Variants in TRAPPC9 observed in about 807,000 individuals in gnomAD.
TRAPPC9 encodes the protein IKK2 binding protein.
In TRAPPC9, 83 loss-of-function variants were observed where a neutral mutation model predicts 124.0. The ratio of observed to expected loss-of-function variants is 0.67; its 90% CI spans 0.56 to 0.80. The LOEUF (loss-of-function observed/expected upper bound fraction) is 0.80, where lower values mean the gene tolerates loss of function less well. Among genes scored for constraint, TRAPPC9 ranks in the 30% least tolerant of loss-of-function variants. The pLI is 0.00. For synonymous variants in TRAPPC9, 638 were observed against 617.5 expected, an observed-to-expected ratio of 1.03 and a Z score of -0.49; for missense variants, 1,302 against 1,508.3, an observed-to-expected ratio of 0.86 and a Z score of 2.27.
chr8:140,369,217 G>C (rs2068209358), intron 8 of TRAPPC9, among the ~76,000 whole-genome samples: 1 of 152,186 alleles, frequency 6.6e-6, no homozygotes, highest in African/African-American at 2.4e-5. Flanking sequence ...TGGTTGAACA[G>C]TAAGAAGTCT....
chr8:140,304,602 C>A (rs2066072521), intron 10 of TRAPPC9, among the ~76,000 whole-genome samples: 1 of 152,276 alleles, frequency 6.6e-6, no homozygotes, highest in East Asian at 1.9e-4. Context: ...GTGATGTGGA[C>A]ATTTAACTAC....
At chr8:139,797,238 T>A (rs923120776) in intron 21 of TRAPPC9, among the ~76,000 whole-genome samples, 1 of 146,920 alleles carries the variant, frequency 6.8e-6, no homozygotes, top group East Asian at 1.9e-4. Flanking sequence ...GAAACACACA[T>A]GTTTTTAATT....
chr8:140,425,061 G>A (rs2070373660), intron 5 of TRAPPC9, among the ~76,000 whole-genome samples: 4 of 152,192 alleles, frequency 2.6e-5, no homozygotes, highest in African/African-American at 4.8e-5. Flanking sequence ...TAGGAGCTAG[G>A]AAGATTCCCT....
chr8:140,425,637 A>G (rs550480401), intron 5 of TRAPPC9, among the ~76,000 whole-genome samples: 20 of 152,088 alleles, frequency 1.3e-4, no homozygotes, highest in African/African-American at 4.4e-4. Flanking sequence ...TCAGTATTTT[A>G]TAGCAGGCAT....
chr8:139,755,965 T>G (rs1256392765), intron 21 of TRAPPC9, among the ~76,000 whole-genome samples: 2 of 116,440 alleles, frequency 1.7e-5, no homozygotes, highest in African/African-American at 7.7e-5. Context: ...AGCCAGGGTT[T>G]GGGGATGAGG....
intron 2 of TRAPPC9, among the ~76,000 whole-genome samples, chr8:140,443,202 A>G (rs7000128): frequency 0.65 from 91,989 of 142,058 alleles, 31,662 homozygotes; most frequent in Non-Finnish European, 0.78. Flanking sequence ...TTGGGAGGCC[A>G]AGGCGGGCAG....
chr8:139,735,022 C>G (rs1228149302), intron 21 of TRAPPC9, among the ~76,000 whole-genome samples: 3 of 152,222 alleles, frequency 2.0e-5, no homozygotes, highest in Non-Finnish European at 4.4e-5. Context: ...GTCCTGAGGC[C>G]CTGCTCACTG....
intron 17 of TRAPPC9, among the ~76,000 whole-genome samples, chr8:140,164,107 C>G (rs1398512054): frequency 6.6e-6 from 1 of 152,152 alleles, no homozygotes; most frequent in Non-Finnish European, 1.5e-5. Flanking sequence ...GCAAACACAG[C>G]GACCACCCCC....
chr8:140,280,337 A>G (rs1212999768), intron 14 of TRAPPC9, among the ~76,000 whole-genome samples: 1 of 152,254 alleles, frequency 6.6e-6, no homozygotes, highest in East Asian at 1.9e-4. Flanking sequence ...CAGCATGTGC[A>G]GGTATAAAAT....
intron 21 of TRAPPC9, among the ~76,000 whole-genome samples, chr8:139,836,739 C>T (rs4991944): frequency 0.57 from 86,858 of 152,138 alleles, 28,015 homozygotes; most frequent in African/African-American, 0.87. Context: ...TGCAATTAGT[C>T]ATGGGAAGAA....
intron 10 of TRAPPC9, among the ~76,000 whole-genome samples, chr8:140,303,523 C>T (rs2066041027): frequency 6.6e-6 from 1 of 152,232 alleles, no homozygotes; most frequent in South Asian, 2.1e-4. Flanking sequence ...TCAGAACCAT[C>T]CTCTGCTTTA....
chr8:140,268,813 C>T (rs967392841), intron 15 of TRAPPC9, among the ~76,000 whole-genome samples: 1 of 152,170 alleles, frequency 6.6e-6, no homozygotes, highest in Non-Finnish European at 1.5e-5. Context: ...GGTGACTACA[C>T]TTGAGGGCTG....
chr8:139,764,561 G>A (rs944057981), intron 21 of TRAPPC9, among the ~76,000 whole-genome samples: 1 of 152,118 alleles, frequency 6.6e-6, no homozygotes, highest in Admixed American at 6.5e-5. Flanking sequence ...AGTGAGACAC[G>A]GGTTCAGCTG....
At chr8:140,419,156 C>T (rs1427916632) in intron 5 of TRAPPC9, among the ~76,000 whole-genome samples, 2 of 151,896 alleles carry the variant, frequency 1.3e-5, no homozygotes, top group East Asian at 1.9e-4. Context: ...TGGCCGGGCG[C>T]GGTGACTCGC....
chr8:140,308,177 C>T (rs149902432), intron 10 of TRAPPC9, among the ~76,000 whole-genome samples: 52 of 152,040 alleles, frequency 3.4e-4, no homozygotes, highest in African/African-American at 1.2e-3. Context: ...ATTTGGCCCA[C>T]TCTAAGTATT....
chr8:140,185,122 C>G (rs960323275), intron 17 of TRAPPC9, among the ~76,000 whole-genome samples: 7 of 152,198 alleles, frequency 4.6e-5, no homozygotes, highest in African/African-American at 1.7e-4. Flanking sequence ...TAGAATTGAT[C>G]ATTTTTCATA....
chr8:140,058,051 C>T (rs1387725546), intron 17 of TRAPPC9, among the ~76,000 whole-genome samples: 1 of 152,162 alleles, frequency 6.6e-6, no homozygotes, highest in African/African-American at 2.4e-5. Context: ...CAGAAGTGCT[C>T]GCGAATGTGA....
chr8:139,998,847 C>T (rs1838212425), intron 18 of TRAPPC9, among the ~76,000 whole-genome samples: 1 of 152,014 alleles, frequency 6.6e-6, no homozygotes. Flanking sequence ...ACAACTAAGA[C>T]ATGAGGAGGG....
chr8:139,756,946 T>A (rs1819862848), intron 21 of TRAPPC9, among the ~76,000 whole-genome samples: 1 of 122,812 alleles, frequency 8.1e-6, no homozygotes, highest in Non-Finnish European at 1.7e-5. Flanking sequence ...GGTTGGGGTA[T>A]AAGGACAGCA....
Sources: gnomAD v4.1 joint callset for allele counts (sites outside exome capture counted in the v4.1 genomes callset) on GRCh38, gnomAD v4.1.1 for gene constraint, MANE v1.5 for transcripts, NCBI Gene and HGNC (gene_info 2026-07-23, HGNC 2026-07-21) for gene names.